Variants in GALNTL5 observed in about 807,000 individuals in gnomAD.
GALNTL5 encodes the protein inactive polypeptide N-acetylgalactosaminyltransferase-like protein 5.
Under a neutral mutation model 51.0 loss-of-function variants are expected in GALNTL5, and 44 were observed. The observed-to-expected ratio is 0.86, with a 90% CI of 0.68 to 1.11. GALNTL5 has a LOEUF of 1.11. Among genes scored for constraint, GALNTL5 ranks in the 50% least tolerant of loss-of-function variants. The pLI is 0.00. For synonymous variants in GALNTL5, 192 were observed against 182.8 expected, an observed-to-expected ratio of 1.05 and a Z score of -0.41; for missense variants, 528 against 531.8, an observed-to-expected ratio of 0.99 and a Z score of 0.07.
chr7:151,962,839 C>G (rs1419295326), intron 1 of GALNTL5, among the ~76,000 whole-genome samples: 2 of 152,092 alleles, frequency 1.3e-5, no homozygotes, highest in African/African-American at 4.8e-5. Flanking sequence ...GAACTCCTGA[C>G]CTCAAGTGAT....
chr7:151,968,616 A>G (rs1203369724), intron 2 of GALNTL5, among the ~76,000 whole-genome samples: 1 of 152,198 alleles, frequency 6.6e-6, no homozygotes, highest in Non-Finnish European at 1.5e-5. Context: ...AGAAACAGCA[A>G]ACCAAGGGTG....
At chr7:151,976,951 A>G (rs1327144535) in intron 3 of GALNTL5, among the ~76,000 whole-genome samples, 1 of 152,198 alleles carries the variant, frequency 6.6e-6, no homozygotes, top group Non-Finnish European at 1.5e-5. Flanking sequence ...TACAGGCATG[A>G]GCCACTGCAC....
chr7:151,997,823 T>C (rs1459917447), intron 5 of GALNTL5, among the ~76,000 whole-genome samples: 1 of 152,204 alleles, frequency 6.6e-6, no homozygotes, highest in Non-Finnish European at 1.5e-5. Context: ...CTTAAACAAT[T>C]AGCCATTTGG....
chr7:151,966,362 G>A (rs887899065), intron 1 of GALNTL5, among the ~76,000 whole-genome samples: 3 of 151,908 alleles, frequency 2.0e-5, no homozygotes, highest in African/African-American at 7.3e-5. Context: ...CCGCTTCCCA[G>A]GTTTAAGCGA....
chr7:152,018,890 C>T (rs6971875), intron 8 of GALNTL5, among the ~76,000 whole-genome samples: 66,296 of 151,960 alleles, frequency 0.44, 15,575 homozygotes, highest in African/African-American at 0.6. Context: ...ACTATCACTA[C>T]CCTGAATGCC....
chr7:151,980,063 C>A (rs2151945088), intron 3 of GALNTL5, among the ~76,000 whole-genome samples: 1 of 152,256 alleles, frequency 6.6e-6, no homozygotes, highest in Middle Eastern at 3.4e-3. Flanking sequence ...CTCCTACTTT[C>A]TGTCTCTCAA....
At chr7:151,963,981 C>T (rs796585266) in intron 1 of GALNTL5, among the ~76,000 whole-genome samples, 2 of 152,208 alleles carry the variant, frequency 1.3e-5, no homozygotes, top group Admixed American at 6.5e-5. Context: ...GCTGCCATAA[C>T]CAAGTCCAAC....
intron 1 of GALNTL5, among the ~76,000 whole-genome samples, chr7:151,959,526 G>A (rs781645959): frequency 6.6e-6 from 1 of 152,128 alleles, no homozygotes; most frequent in Non-Finnish European, 1.5e-5. Flanking sequence ...ATCTTGGCCA[G>A]AGTGTTAAAG....
At chr7:151,977,221 T>C (rs1430637262) in intron 3 of GALNTL5, among the ~76,000 whole-genome samples, 5 of 152,146 alleles carry the variant, frequency 3.3e-5, no homozygotes, top group Admixed American at 6.5e-5. Context: ...ACACACTACA[T>C]AGTAGGAAAG....
At chr7:151,976,515 T>C (rs1024196201) in intron 3 of GALNTL5, among the ~76,000 whole-genome samples, 4 of 152,180 alleles carry the variant, frequency 2.6e-5, no homozygotes, top group African/African-American at 9.7e-5. Context: ...TGTATATCCT[T>C]AAAGGGGAAG....
intron 2 of GALNTL5, among the ~76,000 whole-genome samples, chr7:151,967,701 AT>A (rs1249405778): frequency 6.6e-6 from 1 of 152,276 alleles, no homozygotes; most frequent in African/African-American, 2.4e-5. Flanking sequence ...TTTAAATATC[AT>A]TTGGCTATAT....
At chr7:151,986,211 G>A (rs1440550001) in intron 4 of GALNTL5, among the ~76,000 whole-genome samples, 6 of 152,170 alleles carry the variant, frequency 3.9e-5, no homozygotes, top group Admixed American at 3.9e-4. Flanking sequence ...TTTCCCAAGA[G>A]CTACTGAAAA....
intron 7 of GALNTL5, among the ~76,000 whole-genome samples, chr7:152,012,187 C>G (rs918099360): frequency 2.6e-5 from 4 of 152,150 alleles, no homozygotes; most frequent in Non-Finnish European, 5.9e-5. Flanking sequence ...AACAGAGAAG[C>G]CCAAATTCAG....
chr7:151,976,483 C>T (rs563648349), intron 3 of GALNTL5, among the ~76,000 whole-genome samples: 17 of 152,172 alleles, frequency 1.1e-4, no homozygotes, highest in Admixed American at 3.3e-4. Context: ...ATATCTTTTT[C>T]CATCTCATCA....
At chr7:151,978,122 C>T (rs566798275) in intron 3 of GALNTL5, among the ~76,000 whole-genome samples, 6 of 151,532 alleles carry the variant, frequency 4.0e-5, no homozygotes, top group South Asian at 2.1e-4. Flanking sequence ...ATTATTTTAC[C>T]GCTTTGTGGT....
chr7:151,957,561 GAAAA>G (rs1470562488), intron 1 of GALNTL5, among the ~76,000 whole-genome samples: 22 of 119,154 alleles, frequency 1.8e-4, no homozygotes, highest in Non-Finnish European at 1.2e-4. Flanking sequence ...AAAAAAAAAA[GAAAA>G]GAAAAAAAAA....
chr7:151,957,826 G>A (rs1337297809), intron 1 of GALNTL5: 1 of 151,788 alleles, frequency 6.6e-6, no homozygotes, highest in Non-Finnish European at 1.5e-5. Context: ...ACTGAACATG[G>A]TTTTCTTCTG....
chr7:151,963,443 G>A (rs913422419), intron 1 of GALNTL5, among the ~76,000 whole-genome samples: 2 of 152,198 alleles, frequency 1.3e-5, no homozygotes, highest in African/African-American at 4.8e-5. Context: ...TGTTGCCCAG[G>A]CTGAAGTGCA....
chr7:152,019,827 T>A lies in GALNTL5; in HGVS notation c.*26T>A. On this transcript the variant is annotated 3_prime_UTR_variant, in exon 9 of 9. Transcript: ENST00000392800. ...AAGGAAAACAAATCACTTTCATTAA[T>A]AAAGGGTTAAAAGTCTCCTAGTCAT... The A allele has an allele frequency of 1.3e-6, 2 of 1,591,618 alleles. No homozygotes were observed. Among genetic ancestry groups the A allele is most frequent in the Non-Finnish European group, 1.7e-6 (2 of 1,164,108 alleles).
Sources: gnomAD v4.1 joint callset for allele counts (sites outside exome capture counted in the v4.1 genomes callset) on GRCh38, gnomAD v4.1.1 for gene constraint, MANE v1.5 for transcripts, NCBI Gene and HGNC (gene_info 2026-07-23, HGNC 2026-07-21) for gene names.